The following RPS6KA2 variants were observed in gnomAD, a reference collection of about 807,000 sequenced individuals.
RPS6KA2 encodes ribosomal protein S6 kinase A2.
In RPS6KA2, 42 loss-of-function variants were observed where a neutral mutation model predicts 91.8. The ratio of observed to expected loss-of-function variants is 0.46; its 90% confidence interval spans 0.36 to 0.59. The LOEUF is 0.59. Ranked by LOEUF, RPS6KA2 falls within the 20% of genes least tolerant of loss-of-function variation. RPS6KA2 has a pLI of 0.00. For missense variants in RPS6KA2, 798 were observed against 978.5 expected (o/e 0.82, Z 2.46); for synonymous variants, 414 against 393.6 (o/e 1.05, Z -0.61).
In RPS6KA2 at chr6:166,563,118, C is replaced by T. The variant is rs1784391405; in HGVS notation, c.100-24334G>A. On this transcript the variant is annotated intron_variant, in intron 1 of 20. Coordinates refer to ENST00000265678, the MANE Select transcript of RPS6KA2 (RefSeq NM_021135.6). This position sits in a 1 kb window ranked among gnomAD's most constrained non-coding sequence, Gnocchi z 4.1. ...TCCCTTCCAGTGTGTGGAAGAGATC[C>T]AGCCTGCAATGACTGGAGGGTGGGA... Among the ~76,000 whole-genome samples, 1 of 152,168 alleles carries T rather than the reference C, an allele frequency of 6.6e-6. No individual in the cohort carries two copies. Among genetic ancestry groups the T allele is most frequent in the Non-Finnish European group, 1.5e-5 (1 of 68,028 alleles).
intron 1 of RPS6KA2, among the ~76,000 whole-genome samples, chr6:166,617,436 T>C (rs966628383): frequency 1.3e-5 from 2 of 152,204 alleles, no homozygotes; most frequent in Non-Finnish European, 2.9e-5. Flanking sequence ...AGATCAGCTA[T>C]ATTGTGAGCC....
chr6:166,623,090 C>T (rs937428565), intron 1 of RPS6KA2, among the ~76,000 whole-genome samples: 7 of 152,254 alleles, frequency 4.6e-5, no homozygotes, highest in Non-Finnish European at 8.8e-5. Flanking sequence ...CTCATTCACT[C>T]CCTACTGTCT....
At chr6:166,515,574 C>T (rs185858716) in intron 3 of RPS6KA2, among the ~76,000 whole-genome samples, 228 of 152,316 alleles carry the variant, frequency 1.5e-3, no homozygotes, top group African/African-American at 5.2e-3. Flanking sequence ...ATCGGCGTGA[C>T]GTCATTAGGA....
chr6:166,531,238 G>A lies in RPS6KA2; in HGVS notation c.292C>T (p.Leu98=), dbSNP rs1320292031. Residue 98 remains leucine (L), a synonymous_variant, in exon 3 of 21, where the codon CTA becomes TTA. Transcript: ENST00000265678. The part of the protein sequence containing the change: ...YAMKVLKKAT[L]KVRDRVRSKM... ...GCCCTTCCGAAGCTCTTACCTTTTA[G>A]GGTGGCTTTCTTAAGGACCTTCATG... is the stretch of plus-strand genomic sequence containing the variant. The A allele has an allele frequency of 1.9e-6, 3 of 1,613,272 alleles. No individual in the cohort carries two copies. The highest frequency in any genetic ancestry group is 2.2e-5 in the East Asian group (1 of 44,882).
At chr6:166,707,628 C>G (rs550880168) in intron 2 of RPS6KA2, among the ~76,000 whole-genome samples, 1 of 152,208 alleles carries the variant, frequency 6.6e-6, no homozygotes, top group East Asian at 1.9e-4. Flanking sequence ...ACAGGTGCAC[C>G]TGGATCAGAT....
intron 10 of RPS6KA2, 39 bp downstream of exon 10, chr6:166,488,794 C>CGGTAGCT (rs751636065): frequency 6.5e-7 from 1 of 1,534,690 alleles, no homozygotes; most frequent in East Asian, 2.3e-5. Context: ...GGGCAGCGCC[C>CGGTAGCT]TGCACGTTCC....
intron 2 of RPS6KA2, among the ~76,000 whole-genome samples, chr6:166,755,329 AGAGATG>A (rs1777977443): frequency 6.6e-6 from 1 of 152,044 alleles, no homozygotes; most frequent in African/African-American, 2.4e-5. Flanking sequence ...AACCTTATGA[AGAGATG>A]CATTGGGCCT....
At chr6:166,862,453 C>A in exon 1 of RPS6KA2, 1 of 1,179,746 alleles carries the variant, frequency 8.5e-7, no homozygotes, top group Non-Finnish European at 1.1e-6. Flanking sequence ...TGCCGCTTCC[C>A]GCTCGGGCTG....
chr6:166,686,299 G>GA (rs1562382709), intron 2 of RPS6KA2, among the ~76,000 whole-genome samples: 1 of 152,124 alleles, frequency 6.6e-6, no homozygotes, highest in Non-Finnish European at 1.5e-5. Context: ...AAAGCAACCC[G>GA]ACCTCTCCTA....
chr6:166,710,737 A>G (rs577750301), intron 2 of RPS6KA2, among the ~76,000 whole-genome samples: 5 of 152,248 alleles, frequency 3.3e-5, no homozygotes, highest in African/African-American at 1.2e-4. Context: ...ACAGGAGGAG[A>G]GAAGAAGTCA....
chr6:166,725,061 C>T (rs1336841816), intron 2 of RPS6KA2, among the ~76,000 whole-genome samples: 1 of 152,164 alleles, frequency 6.6e-6, no homozygotes, highest in Non-Finnish European at 1.5e-5. Context: ...ATGTTCTCTT[C>T]TGAGAGCAAA....
Position 166,626,895 on chromosome 6 carries a change from G to A in RPS6KA2, c.99+26C>T. 6.8e-7 allele frequency: 1 copy of A among 1,466,698 alleles called. No individual in the cohort carries two copies. The highest frequency in any genetic ancestry group is 2.2e-5 in the Admixed American group (1 of 44,746). The allele number at this position is 1,466,698 out of a possible 1,614,324, so 90.9% of individuals were successfully genotyped here. ...ACGGCCCGCTCAGTGCCCGGCACCTGCGCGCCCCGAGGGCGGCCGCATTAC... is the reference window on the plus strand; with the variant it reads ...ACGGCCCGCTCAGTGCCCGGCACCTACGCGCCCCGAGGGCGGCCGCATTAC... On this transcript the variant is annotated intron_variant, in intron 1 of 20. Coordinates refer to ENST00000265678, the MANE Select transcript of RPS6KA2 (RefSeq NM_021135.6). This position sits in a 1 kb window ranked among gnomAD's most constrained non-coding sequence, Gnocchi z 4.1.
intron 2 of RPS6KA2, among the ~76,000 whole-genome samples, chr6:166,847,275 G>T (rs1424066697): frequency 6.6e-6 from 1 of 152,110 alleles, no homozygotes; most frequent in Admixed American, 6.5e-5. Context: ...CAAACAAATG[G>T]AAACACATTC....
intron 2 of RPS6KA2, among the ~76,000 whole-genome samples, chr6:166,715,177 C>A (rs1368032400): frequency 6.6e-6 from 1 of 152,258 alleles, no homozygotes; most frequent in African/African-American, 2.4e-5. Context: ...CAGCCCGAGG[C>A]GGGAAGCAAG....
intron 16 of RPS6KA2, among the ~76,000 whole-genome samples, chr6:166,429,359 G>A (rs1779042726): frequency 6.6e-6 from 1 of 151,494 alleles, no homozygotes; most frequent in South Asian, 2.1e-4. Context: ...AATGGGTGCA[G>A]CACACCAGCA....
Position 166,821,059 on chromosome 6 carries a change from G to A in RPS6KA2, c.123+37141C>T, listed in dbSNP as rs1435886231. On this transcript the variant is annotated intron_variant, in intron 2 of 21. Coordinates refer to the RPS6KA2 transcript ENST00000503859. This position sits in a 1 kb window ranked among gnomAD's most constrained non-coding sequence, Gnocchi z 4.1. The stretch of plus-strand genomic sequence containing the variant: ...AGGTGTCTTGGAATGATGGGTCCAG[G>A]GCTATAGGGATTTGGATATTGAATT... Among the ~76,000 whole-genome samples, 2 of 152,124 alleles carry A rather than the reference G, an allele frequency of 1.3e-5. No individual in the cohort carries two copies. Among genetic ancestry groups the A allele is most frequent in the Non-Finnish European group, 2.9e-5 (2 of 68,028 alleles).
intron 2 of RPS6KA2, chr6:166,702,625 T>C: frequency 1.3e-6 from 2 of 1,572,114 alleles, no homozygotes; most frequent in Non-Finnish European, 1.8e-6. Context: ...TGGGACCGAG[T>C]GCTCAACTTC....
rs1349179313 is a variant in RPS6KA2 at position 166,612,309 on chromosome 6, T to C, written c.99+14612A>G. Reference sequence around the variant, plus strand: ...ATGGAAGAAAAGAGACTGGGACTTGTCCTTTCTGGCTTCTCAGTGGTCTGC... The same window carrying C: ...ATGGAAGAAAAGAGACTGGGACTTGCCCTTTCTGGCTTCTCAGTGGTCTGC... On this transcript the variant is annotated intron_variant, in intron 1 of 20. Coordinates refer to ENST00000265678, the MANE Select transcript of RPS6KA2 (RefSeq NM_021135.6). The surrounding 1 kb of genome is among the most constrained non-coding windows in gnomAD (Gnocchi z 4.3). Among the ~76,000 whole-genome samples, 1 of 152,010 alleles carries C rather than the reference T, an allele frequency of 6.6e-6. No individual in the cohort carries two copies. The highest frequency in any genetic ancestry group is 2.4e-5 in the African/African-American group (1 of 41,406).
At chr6:166,752,526 C>T (rs79030389) in intron 2 of RPS6KA2, among the ~76,000 whole-genome samples, 1,771 of 152,204 alleles carry the variant, frequency 0.012, 38 homozygotes, top group African/African-American at 0.038. Context: ...TAGCTAAGAA[C>T]ATTAATGGGT....
Sources: gnomAD v4.1 joint callset for allele counts (sites outside exome capture counted in the v4.1 genomes callset) on GRCh38, gnomAD v4.1.1 for gene constraint, Gnocchi (gnomAD v3.1) non-coding constraint, MANE v1.5 for transcripts, NCBI Gene and HGNC (gene_info 2026-07-23, HGNC 2026-07-21) for gene names.